The following LMO1 variants were observed in gnomAD, a reference collection of about 807,000 sequenced individuals.
LMO1 encodes the protein rhombotin-1.
In LMO1, 10 loss-of-function variants were observed where a neutral mutation model predicts 18.0. The observed-to-expected ratio is 0.55, with a 90% CI of 0.34 to 0.94. LMO1 has a LOEUF of 0.94. LMO1 is among the 40% of genes least tolerant of loss of function. The pLI, the probability that LMO1 is intolerant of heterozygous loss-of-function variation, is 0.02. For synonymous variants in LMO1, 77 were observed against 77.9 expected (o/e 0.99, Z 0.06); for missense variants, 183 against 205.7 (o/e 0.89, Z 0.68).
chr11:8,237,661 G>C (rs1436911485), intron 1 of LMO1, among the ~76,000 whole-genome samples: 3 of 152,250 alleles, frequency 2.0e-5, no homozygotes, highest in African/African-American at 7.2e-5. Context: ...AGAGGCAGGG[G>C]CTCCTATGGC....
chr11:8,242,704 C>T (rs564339064), intron 1 of LMO1, among the ~76,000 whole-genome samples: 14 of 152,318 alleles, frequency 9.2e-5, no homozygotes, highest in African/African-American at 3.4e-4. Flanking sequence ...ACCCGCAAAG[C>T]CCGCGTCACC....
chr11:8,231,907 G>A (rs1476733694), intron 1 of LMO1, among the ~76,000 whole-genome samples: 1 of 152,124 alleles, frequency 6.6e-6, no homozygotes, highest in African/African-American at 2.4e-5. Context: ...AGAGGCCTTG[G>A]TCTCAGAATC....
chr11:8,258,923 C>A (rs1448114842), intron 1 of LMO1, among the ~76,000 whole-genome samples: 1 of 152,192 alleles, frequency 6.6e-6, no homozygotes, highest in Non-Finnish European at 1.5e-5. Flanking sequence ...ATCTCAGCTT[C>A]CCCCAGTCCT....
upstream of LMO1, among the ~76,000 whole-genome samples, chr11:8,265,656 T>G (rs1008726904): frequency 6.6e-6 from 1 of 152,150 alleles, no homozygotes; most frequent in Non-Finnish European, 1.5e-5. Flanking sequence ...GCCAGACCCA[T>G]GCCCTCAGGG....
At chr11:8,244,383 T>C in intron 1 of LMO1, among the ~76,000 whole-genome samples, 1 of 152,246 alleles carries the variant, frequency 6.6e-6, no homozygotes, top group East Asian at 1.9e-4. Flanking sequence ...TCTTCCCTAG[T>C]GGTTAATAAA....
At position 8,231,630 on chromosome 11, in the gene LMO1, G is replaced by A. The variant is rs560260908; in HGVS notation, c.26-1126C>T. ...AAGACAGGGAGCGTGTGCATGCTCCGTTCCTGACCAAGGCGCAGCTGGATA... is the reference window on the plus strand; with the variant it reads ...AAGACAGGGAGCGTGTGCATGCTCCATTCCTGACCAAGGCGCAGCTGGATA... On this transcript the variant is annotated intron_variant, in intron 1 of 3. Transcript: ENST00000335790. Among the ~76,000 whole-genome samples, 21 of 152,266 alleles carry A rather than the reference G, an allele frequency of 1.4e-4. No individual in the cohort carries two copies. In the East Asian group the frequency reaches 2.1e-3, roughly 15 times the overall value.
At position 8,235,346 on chromosome 11, in the gene LMO1, A is replaced by T. The variant is rs1952743820; in HGVS notation, c.26-4842T>A. Among the ~76,000 whole-genome samples the T allele has an allele frequency of 2.0e-5, 3 of 152,168 alleles. No homozygotes were observed. In the South Asian group the frequency reaches 6.2e-4, roughly 32 times the overall value. ...TCTACCTACTTCTACCTACTTACCTATAATTTTTTCCCTAAATCATTTGAG... is the reference window on the plus strand; with the variant it reads ...TCTACCTACTTCTACCTACTTACCTTTAATTTTTTCCCTAAATCATTTGAG... On this transcript the variant is annotated intron_variant, in intron 1 of 3. Coordinates refer to ENST00000335790, the MANE Select transcript of LMO1 (RefSeq NM_002315.3).
chr11:8,232,548 G>C lies in LMO1; in HGVS notation c.26-2044C>G, dbSNP rs568888998. On this transcript the variant is annotated intron_variant, in intron 1 of 3. Coordinates refer to ENST00000335790, the MANE Select transcript of LMO1 (RefSeq NM_002315.3). ...CTCCAAGGGCATGACCTTGTCCTTAGGCCCTGTGCAGGGAGCATGCAGCCA... is the reference window on the plus strand; with the variant it reads ...CTCCAAGGGCATGACCTTGTCCTTACGCCCTGTGCAGGGAGCATGCAGCCA... 2.0e-5 allele frequency among the ~76,000 whole-genome samples: 3 copies of C among 152,278 alleles called. No homozygotes were observed. In the East Asian group the frequency reaches 5.8e-4, roughly 29 times the overall value.
intron 1 of LMO1, among the ~76,000 whole-genome samples, chr11:8,251,828 G>A (rs1847000160): frequency 6.6e-6 from 1 of 151,484 alleles, no homozygotes; most frequent in Admixed American, 6.6e-5. Flanking sequence ...GAGTGCATGT[G>A]TCTGCCTGTG....
chr11:8,267,827 G>C (rs564265902), upstream of LMO1, among the ~76,000 whole-genome samples: 2 of 152,222 alleles, frequency 1.3e-5, no homozygotes, highest in African/African-American at 4.8e-5. Flanking sequence ...AACATGCCAG[G>C]CTGGGTGAAC....
intron 1 of LMO1, among the ~76,000 whole-genome samples, chr11:8,262,042 C>T (rs1033309569): frequency 2.0e-5 from 3 of 152,192 alleles, no homozygotes; most frequent in Admixed American, 6.5e-5. Flanking sequence ...CTGGGGGCAT[C>T]GGCACCTGGC....
At chr11:8,266,925 A>G (rs1244558608), upstream of LMO1, among the ~76,000 whole-genome samples, 1 of 152,260 alleles carries the variant, frequency 6.6e-6, no homozygotes, top group Admixed American at 6.5e-5. Flanking sequence ...ACCACAGTTG[A>G]CAGGACAGAG....
intron 1 of LMO1, among the ~76,000 whole-genome samples, chr11:8,238,776 A>G (rs905957100): frequency 6.6e-6 from 1 of 151,902 alleles, no homozygotes; most frequent in Non-Finnish European, 1.5e-5. Context: ...AAAATGTCCT[A>G]TGTCTTGATC....
At chr11:8,227,328 C>T (rs1952566697) in intron 2 of LMO1, among the ~76,000 whole-genome samples, 1 of 152,172 alleles carries the variant, frequency 6.6e-6, no homozygotes, top group Admixed American at 6.5e-5. Context: ...TGTAGGGGGT[C>T]AGGAGTTGGC....
upstream of LMO1, chr11:8,268,583 G>C: frequency 1.4e-5 from 8 of 571,588 alleles, no homozygotes; most frequent in Non-Finnish European, 1.8e-5. Flanking sequence ...GACCGCCGAC[G>C]GGGGCAGACG....
chr11:8,263,285 C>T (rs1160381109), intron 1 of LMO1, 53 bp downstream of exon 1: 9 of 1,566,328 alleles, frequency 5.7e-6, no homozygotes, highest in South Asian at 1.1e-5. Flanking sequence ...GCCTGCGCGC[C>T]GCGGCAGGGG....
chr11:8,231,724 G>A (rs1479733147), intron 1 of LMO1, among the ~76,000 whole-genome samples: 2 of 151,362 alleles, frequency 1.3e-5, no homozygotes, highest in Admixed American at 6.6e-5. Context: ...TACTGGCCCC[G>A]TCCTCTCCAA....
intron 1 of LMO1, among the ~76,000 whole-genome samples, chr11:8,248,335 T>C (rs1846930463): frequency 6.6e-6 from 1 of 152,226 alleles, no homozygotes; most frequent in Non-Finnish European, 1.5e-5. Flanking sequence ...GCAGGATTCC[T>C]GGTAGTATGG....
chr11:8,238,360 G>C (rs942360709), intron 1 of LMO1, among the ~76,000 whole-genome samples: 1 of 152,182 alleles, frequency 6.6e-6, no homozygotes, highest in Non-Finnish European at 1.5e-5. Flanking sequence ...AGGCAAAACC[G>C]ATCTGATGTC....
Sources: allele counts gnomAD v4.1 joint callset (sites outside exome capture counted in the v4.1 genomes callset), GRCh38; gene constraint gnomAD v4.1.1; transcripts MANE v1.5; gene names NCBI Gene and HGNC (gene_info 2026-07-23, HGNC 2026-07-21).